The following FGGY variants were observed in gnomAD, a reference collection of about 807,000 sequenced individuals.
FGGY encodes the protein FGGY carbohydrate kinase domain containing.
FGGY carries 72 observed loss-of-function variants against 71.3 expected under a neutral mutation model. That is an observed-to-expected ratio of 1.01 (90% CI 0.84 to 1.23). The LOEUF is 1.23. Ranked by LOEUF, FGGY falls within the 50% of genes most tolerant of loss-of-function variation. FGGY has a pLI of 0.00. For synonymous variants in FGGY, 251 were observed against 250.3 expected (o/e 1.00, Z -0.02); for missense variants, 668 against 682.3 (o/e 0.98, Z 0.23).
intron 7 of FGGY, among the ~76,000 whole-genome samples, chr1:59,517,754 G>A (rs893639438): frequency 6.6e-6 from 1 of 151,670 alleles, no homozygotes; most frequent in Non-Finnish European, 1.5e-5. Context: ...AGCCTGCAGA[G>A]TGCTTTACAT....
At chr1:59,360,094 T>C (rs2055149738) in intron 4 of FGGY, among the ~76,000 whole-genome samples, 1 of 143,258 alleles carries the variant, frequency 7.0e-6, no homozygotes, top group African/African-American at 2.5e-5. Context: ...TTCATAATTT[T>C]ATTGATAATA....
chr1:59,438,668 A>T (rs2069055861), intron 5 of FGGY, among the ~76,000 whole-genome samples: 1 of 152,214 alleles, frequency 6.6e-6, no homozygotes, highest in Admixed American at 6.5e-5. Flanking sequence ...ATACCAGTTA[A>T]TTGCCTAAAT....
At chr1:59,371,740 C>G (rs2057681361) in intron 4 of FGGY, among the ~76,000 whole-genome samples, 2 of 152,110 alleles carry the variant, frequency 1.3e-5, no homozygotes, top group African/African-American at 4.8e-5. Context: ...AACTAGAACT[C>G]AGGATTAAGA....
intron 14 of FGGY, among the ~76,000 whole-genome samples, chr1:59,751,803 CTGAA>C (rs1294603712): frequency 2.0e-5 from 3 of 152,190 alleles, no homozygotes; most frequent in Non-Finnish European, 4.4e-5. Flanking sequence ...TTACTTGAAT[CTGAA>C]TGGTGAACTG....
At chr1:59,529,065 G>A (rs1381459340) in intron 7 of FGGY, among the ~76,000 whole-genome samples, 1 of 152,144 alleles carries the variant, frequency 6.6e-6, no homozygotes, top group Non-Finnish European at 1.5e-5. Flanking sequence ...CTTCATCTCT[G>A]TGTCTCTTAG....
At chr1:59,436,914 GGTGGGT>G (rs1339982889) in intron 5 of FGGY, among the ~76,000 whole-genome samples, 1 of 152,192 alleles carries the variant, frequency 6.6e-6, no homozygotes, top group Non-Finnish European at 1.5e-5. Flanking sequence ...AAGGTCAGGA[GGTGGGT>G]GTTTACAAGT....
chr1:59,754,960 C>T (rs928274799), intron 14 of FGGY: 3 of 152,236 alleles, frequency 2.0e-5, no homozygotes, highest in African/African-American at 7.2e-5. Context: ...TACAAGCCAC[C>T]ATGTGCCACA....
intron 3 of FGGY, among the ~76,000 whole-genome samples, chr1:59,340,733 G>A (rs1046822141): frequency 5.3e-5 from 8 of 152,166 alleles, no homozygotes; most frequent in Admixed American, 1.3e-4. Context: ...TTACAAACCC[G>A]AAAGTCTATT....
In FGGY at chr1:59,531,117, C is replaced by G. The variant is rs191322852; in HGVS notation, c.799+18678C>G. The stretch of plus-strand genomic sequence containing the variant: ...AGTGCACTGGACAATGATGGCATGG[C>G]ACTATTTAACAGAAGTAAGCAGAGT... On this transcript the variant is annotated intron_variant, in intron 7 of 15. Coordinates refer to ENST00000303721, the MANE Select transcript of FGGY (RefSeq NM_018291.5). Among the ~76,000 whole-genome samples the G allele has an allele frequency of 2.0e-5, 3 of 152,266 alleles. No homozygotes were observed. The East Asian group carries it at 5.8e-4, about 29-fold the overall frequency.
At chr1:59,522,654 C>A (rs1558212508) in intron 7 of FGGY, among the ~76,000 whole-genome samples, 2 of 152,108 alleles carry the variant, frequency 1.3e-5, no homozygotes, top group Non-Finnish European at 2.9e-5. Context: ...TAATCTTAAT[C>A]TTTTTGTAGT....
intron 7 of FGGY, among the ~76,000 whole-genome samples, chr1:59,520,944 C>T (rs937373072): frequency 1.4e-5 from 2 of 146,846 alleles, no homozygotes; most frequent in Non-Finnish European, 3.0e-5. Context: ...CCAGGCCAGG[C>T]GCTGGCCAAA....
chr1:59,485,616 T>C (rs769387381), intron 6 of FGGY, among the ~76,000 whole-genome samples: 1 of 152,234 alleles, frequency 6.6e-6, no homozygotes, highest in Non-Finnish European at 1.5e-5. Flanking sequence ...AGAAAATCAC[T>C]GTTTTGTAGA....
Position 59,584,165 on chromosome 1 carries a change from G to C in FGGY, c.904-23638G>C, listed in dbSNP as rs1181927953. The stretch of plus-strand genomic sequence containing the variant: ...GGGAATCCTCCCTAACTCATTTTAT[G>C]AGGCCAGCAACATCCTGATACCAAA... On this transcript the variant is annotated intron_variant, in intron 8 of 15. Transcript: ENST00000303721. Among the ~76,000 whole-genome samples, 2 of 149,708 alleles carry C rather than the reference G, an allele frequency of 1.3e-5. 1 individual carries two copies. Among genetic ancestry groups the C allele is most frequent in the Non-Finnish European group, 2.9e-5 (2 of 67,936 alleles).
intron 8 of FGGY, among the ~76,000 whole-genome samples, chr1:59,599,584 C>T (rs1263751088): frequency 6.8e-6 from 1 of 148,014 alleles, no homozygotes. Context: ...ATCCCAGCTA[C>T]TTGGGAGGCT....
chr1:59,464,496 G>A (rs113341791), intron 6 of FGGY, among the ~76,000 whole-genome samples: 1 of 152,030 alleles, frequency 6.6e-6, no homozygotes, highest in East Asian at 1.9e-4. Context: ...GATAGCAGAA[G>A]GCAAGAAATA....
chr1:59,723,563 T>TGG (rs141394151), intron 14 of FGGY, among the ~76,000 whole-genome samples: 189 of 129,030 alleles, frequency 1.5e-3, no homozygotes, highest in East Asian at 2.2e-3. Context: ...TGTTTTTTTT[T>TGG]GGGGGGGGGT....
At chr1:59,762,365 C>T (rs968592641) in intron 15 of FGGY, 138 bp from the exon 16 acceptor site, 1 of 626,936 alleles carries the variant, frequency 1.6e-6, no homozygotes, top group African/African-American at 1.8e-5. Context: ...TAATTCATTG[C>T]CCAGGATGCT....
intron 6 of FGGY, among the ~76,000 whole-genome samples, chr1:59,478,365 T>C (rs2093347933): frequency 1.3e-5 from 2 of 152,238 alleles, no homozygotes; most frequent in Admixed American, 1.3e-4. Flanking sequence ...TTATAAACTA[T>C]GGTATAAAGC....
In FGGY at chr1:59,634,440, A is replaced by G. The variant is rs909243897; in HGVS notation, c.1074-3788A>G. 1.2e-4 allele frequency among the ~76,000 whole-genome samples: 19 copies of G among 152,242 alleles called. No individual in the cohort carries two copies. In the East Asian group the frequency reaches 2.5e-3, roughly 20 times the overall value. ...AAAAAGAAAAAGTAAGGAACTAGAG[A>G]CAGGCAATATGGAAGCTTCTTTTCT... On this transcript the variant is annotated intron_variant, in intron 10 of 15. Coordinates refer to ENST00000303721, the MANE Select transcript of FGGY (RefSeq NM_018291.5).
Sources: gnomAD v4.1 joint callset for allele counts (sites outside exome capture counted in the v4.1 genomes callset) on GRCh38, gnomAD v4.1.1 for gene constraint, MANE v1.5 for transcripts, NCBI Gene and HGNC (gene_info 2026-07-23, HGNC 2026-07-21) for gene names.